CPA6: variants seen among roughly 807,000 people sequenced by gnomAD.
CPA6 encodes the protein carboxypeptidase A6.
In CPA6, 58 loss-of-function variants were observed where a neutral mutation model predicts 63.3. The ratio of observed to expected loss-of-function variants is 0.92; its 90% CI spans 0.74 to 1.14. The LOEUF is 1.14. Ranked by LOEUF, CPA6 falls within the 50% of genes most tolerant of loss-of-function variation. The pLI, the probability that CPA6 is intolerant of heterozygous loss-of-function variation, is 0.00. For synonymous variants in CPA6, 185 were observed against 179.0 expected (o/e 1.03, Z -0.27); for missense variants, 565 against 526.6 (o/e 1.07, Z -0.71).
At chr8:67,436,848 A>C (rs1289554632) in intron 8 of CPA6, among the ~76,000 whole-genome samples, 1 of 152,234 alleles carries the variant, frequency 6.6e-6, no homozygotes, top group Non-Finnish European at 1.5e-5. Context: ...TAACTCTAGA[A>C]AATGATAATT....
intron 8 of CPA6, among the ~76,000 whole-genome samples, chr8:67,463,725 C>G (rs1235187011): frequency 3.3e-5 from 5 of 152,088 alleles, no homozygotes; most frequent in Admixed American, 1.3e-4. Flanking sequence ...ATCTTTATGT[C>G]TCTGAGTAGG....
At chr8:67,520,915 T>C (rs1401714691) in intron 2 of CPA6, among the ~76,000 whole-genome samples, 1 of 152,228 alleles carries the variant, frequency 6.6e-6, no homozygotes, top group East Asian at 1.9e-4. Context: ...CACATTCTGG[T>C]CTTTCCTGTG....
chr8:67,613,910 T>A (rs1814873757), intron 2 of CPA6, among the ~76,000 whole-genome samples: 1 of 152,104 alleles, frequency 6.6e-6, no homozygotes, highest in Non-Finnish European at 1.5e-5. Flanking sequence ...AGGAGGAACA[T>A]CTGAACTCTG....
chr8:67,580,710 T>A (rs1024169153), intron 2 of CPA6, among the ~76,000 whole-genome samples: 3 of 152,182 alleles, frequency 2.0e-5, no homozygotes, highest in Non-Finnish European at 2.9e-5. Context: ...GTGGTTACCA[T>A]GCCAGCCTGG....
rs1220049028 is a variant in CPA6, at chr8:67,548,154, ATCCTTCCTTTCCT to A, written c.193-30120_193-30108del. Among the ~76,000 whole-genome samples, 12 of 70,208 alleles carry A rather than the reference ATCCTTCCTTTCCT, an allele frequency of 1.7e-4. 1 individual carries two copies. The highest frequency in any genetic ancestry group is 5.4e-4 in the East Asian group (1 of 1,850). 46.1% of individuals were successfully genotyped at this position (70,208 alleles called of 152,430 possible). ...CTTCCTCTCTCTCTCTCTCCCTCTC[ATCCTTCCTTTCCT>A]TCCTTCCTTTCCTTCCCTTTCCTTC... On this transcript the variant is annotated intron_variant, in intron 2 of 10. Coordinates refer to ENST00000297770, the MANE Select transcript of CPA6 (RefSeq NM_020361.5).
intron 3 of CPA6, among the ~76,000 whole-genome samples, chr8:67,512,608 A>G (rs1587508200): frequency 6.6e-6 from 1 of 152,182 alleles, no homozygotes; most frequent in African/African-American, 2.4e-5. Context: ...CTCAATGCTC[A>G]CCAGCCTCCA....
intron 1 of CPA6, among the ~76,000 whole-genome samples, chr8:67,740,886 A>G (rs926875360): frequency 6.6e-6 from 1 of 152,096 alleles, no homozygotes; most frequent in Non-Finnish European, 1.5e-5. Context: ...TACTTTTCAA[A>G]AAAAATCTTA....
At position 67,433,142 on chromosome 8, in the gene CPA6, G is replaced by A. The variant is rs539488826; in HGVS notation, c.1041+896C>T. 1.3e-4 allele frequency among the ~76,000 whole-genome samples: 20 copies of A among 152,328 alleles called. 1 individual carries two copies. The highest frequency in any genetic ancestry group is 4.8e-4 in the African/African-American group (20 of 41,564). On this transcript the variant is annotated intron_variant, in intron 9 of 10. Transcript: ENST00000297770. ...ACGTAGAAGAGTACACTGTTTTTGA[G>A]TTGATTGCTCAACAAACGATCACAA...
At position 67,511,624 on chromosome 8, in the gene CPA6, C is replaced by G; in HGVS notation, c.349G>C (p.Glu117Gln). ...TGGGTGTGCAAGCTGCTTCCCTTCT[C>G]CAGTGTTTTCTGAAGATCTTCTATG... ...VLIEDLQKTL[E>Q]KGSSLHTQRN... The change falls in exon 4 of 11, where the codon GAG (glutamate) becomes CAG (glutamine). Residue 117 changes from glutamate to glutamine, a missense_variant. Transcript: ENST00000297770. The G allele has an allele frequency of 6.2e-7, 1 of 1,611,118 alleles. No homozygotes were observed. The highest frequency in any genetic ancestry group is 8.5e-7 in the Non-Finnish European group (1 of 1,177,432).
At chr8:67,539,650 G>T (rs562646983) in intron 2 of CPA6, among the ~76,000 whole-genome samples, 97 of 152,134 alleles carry the variant, frequency 6.4e-4, no homozygotes, top group African/African-American at 2.3e-3. Context: ...ATGTAGGTTT[G>T]GTCTTTTCAC....
chr8:67,745,122 T>C (rs1263435445), intron 1 of CPA6, among the ~76,000 whole-genome samples: 1 of 152,238 alleles, frequency 6.6e-6, no homozygotes, highest in East Asian at 1.9e-4. Context: ...AAAACTTTTC[T>C]CAGGTGGTGA....
chr8:67,465,933 T>C (rs996000246), intron 8 of CPA6, among the ~76,000 whole-genome samples: 1 of 152,174 alleles, frequency 6.6e-6, no homozygotes, highest in African/African-American at 2.4e-5. Flanking sequence ...ATTGTGTCTC[T>C]GCCAGAATTT....
intron 2 of CPA6, among the ~76,000 whole-genome samples, chr8:67,561,363 A>G (rs1463959090): frequency 6.6e-5 from 10 of 152,208 alleles, no homozygotes; most frequent in Admixed American, 6.5e-4. Flanking sequence ...AAGTCATCAC[A>G]GTGAGTATCA....
intron 5 of CPA6, 125 bp downstream of exon 5, chr8:67,509,392 A>G: frequency 4.0e-6 from 2 of 504,570 alleles, no homozygotes; most frequent in South Asian, 6.8e-5. Flanking sequence ...TTCTGAGATT[A>G]TCAGATGATG....
intron 2 of CPA6, among the ~76,000 whole-genome samples, chr8:67,580,184 C>CCCT (rs1813732442): frequency 6.6e-6 from 1 of 152,202 alleles, no homozygotes; most frequent in Non-Finnish European, 1.5e-5. Flanking sequence ...TGGCCACCTA[C>CCCT]CCTCCCCCTT....
chr8:67,490,635 AG>A (rs1811583549), intron 6 of CPA6, among the ~76,000 whole-genome samples: 1 of 152,246 alleles, frequency 6.6e-6, no homozygotes, highest in African/African-American at 2.4e-5. Context: ...AAGTTAATTA[AG>A]AAAGACATAG....
At chr8:67,613,460 G>A (rs533252917) in intron 2 of CPA6, among the ~76,000 whole-genome samples, 1 of 152,308 alleles carries the variant, frequency 6.6e-6, no homozygotes, top group African/African-American at 2.4e-5. Flanking sequence ...TTCTCTCAGG[G>A]AGTTCTCAAT....
intron 6 of CPA6, among the ~76,000 whole-genome samples, chr8:67,496,590 T>C (rs1811724377): frequency 6.8e-6 from 1 of 146,348 alleles, no homozygotes; most frequent in Non-Finnish European, 1.5e-5. Context: ...AGATGGAGTG[T>C]CTCTCTGTTG....
rs113388354 is a variant in CPA6 at position 67,524,999 on chromosome 8, C to A, written c.193-6952G>T. 3.9e-5 allele frequency among the ~76,000 whole-genome samples: 6 copies of A among 152,240 alleles called. 1 individual carries two copies. The highest frequency in any genetic ancestry group is 1.4e-4 in the African/African-American group (6 of 41,532). On this transcript the variant is annotated intron_variant, in intron 2 of 10. Coordinates refer to ENST00000297770, the MANE Select transcript of CPA6 (RefSeq NM_020361.5). ...TATTGTTTTCTGATGACTGTAACAG[C>A]CACCGTAGTCACACAGTTAAAGAAA...
Sources: gnomAD v4.1 joint callset for allele counts (sites outside exome capture counted in the v4.1 genomes callset) on GRCh38, gnomAD v4.1.1 for gene constraint, MANE v1.5 for transcripts, NCBI Gene and HGNC (gene_info 2026-07-23, HGNC 2026-07-21) for gene names.